The following TTBK2 variants were observed in gnomAD, a reference collection of about 807,000 sequenced individuals.
The protein encoded by TTBK2 is tau-tubulin kinase 2.
TTBK2 carries 28 observed loss-of-function variants against 110.8 expected under a neutral mutation model. The ratio of observed to expected loss-of-function variants is 0.25; its 90% confidence interval spans 0.19 to 0.35. TTBK2 has a LOEUF of 0.35. TTBK2 is among the 10% of genes least tolerant of loss of function. The pLI is 1.00. For missense variants in TTBK2, 1,369 were observed against 1,500.3 expected (o/e 0.91, Z 1.45); for synonymous variants, 532 against 527.3 (o/e 1.01, Z -0.12).
At chr15:42,900,202 A>G (rs2029906841) in intron 1 of TTBK2, among the ~76,000 whole-genome samples, 1 of 151,758 alleles carries the variant, frequency 6.6e-6, no homozygotes, top group African/African-American at 2.4e-5. Flanking sequence ...CATGTTGGTC[A>G]GGCTTGTCTC....
At chr15:42,885,186 T>C (rs1250652427) in intron 1 of TTBK2, among the ~76,000 whole-genome samples, 1 of 152,194 alleles carries the variant, frequency 6.6e-6, no homozygotes, top group Non-Finnish European at 1.5e-5. Flanking sequence ...ACGTGAGACA[T>C]TTGGTGCCAA....
At chr15:42,904,546 C>T (rs771872753) in intron 1 of TTBK2, among the ~76,000 whole-genome samples, 2 of 152,108 alleles carry the variant, frequency 1.3e-5, no homozygotes, top group African/African-American at 2.4e-5. Context: ...GACAAAGATG[C>T]TAACTCTGGA....
At chr15:42,761,506 G>A (rs2062025665) in intron 13 of TTBK2, among the ~76,000 whole-genome samples, 1 of 145,950 alleles carries the variant, frequency 6.9e-6, no homozygotes. Flanking sequence ...CTACAAAATG[G>A]AAGAAAATAT....
chr15:42,878,924 A>T lies in TTBK2; in HGVS notation c.-67-240T>A, dbSNP rs8034933. 0.034 allele frequency among the ~76,000 whole-genome samples: 5,247 copies of T among 152,234 alleles called. 283 individuals carry two copies. Among genetic ancestry groups the T allele is most frequent in the African/African-American group, 0.12 (4,968 of 41,496 alleles). ...AAGACACCGTTAAAACACAGATATTATTTATAATAACTGAGATTGTTAGAT... is the reference window on the plus strand; with the variant it reads ...AAGACACCGTTAAAACACAGATATTTTTTATAATAACTGAGATTGTTAGAT... On this transcript the variant is annotated intron_variant, in intron 1 of 14. Coordinates refer to ENST00000267890, the MANE Select transcript of TTBK2 (RefSeq NM_173500.4).
chr15:42,828,128 C>G (rs1017063739), intron 5 of TTBK2, 96 bp from the exon 6 acceptor site: 20 of 877,708 alleles, frequency 2.3e-5, no homozygotes, highest in South Asian at 6.1e-5. Context: ...TATTTAAGCT[C>G]TATATAACAC....
rs2061777462 is a variant in TTBK2, at chr15:42,745,312, T to G, written c.*483A>C. 1 of 186,960 alleles carries G rather than the reference T, an allele frequency of 5.3e-6. No homozygotes were observed. Among genetic ancestry groups the G allele is most frequent in the Non-Finnish European group, 1.1e-5 (1 of 88,404 alleles). 11.6% of individuals were successfully genotyped at this position (186,960 alleles called of 1,614,324 possible). On this transcript the variant is annotated 3_prime_UTR_variant, in exon 15 of 15. Coordinates refer to ENST00000267890, the MANE Select transcript of TTBK2 (RefSeq NM_173500.4). ...AATAAACACACAAGCCAAATATACATGAATACTGGCTCCCTGGCAACAGAC... is the reference window on the plus strand; with the variant it reads ...AATAAACACACAAGCCAAATATACAGGAATACTGGCTCCCTGGCAACAGAC...
Sources: gnomAD v4.1 joint callset for allele counts (sites outside exome capture counted in the v4.1 genomes callset) on GRCh38, gnomAD v4.1.1 for gene constraint, MANE v1.5 for transcripts, NCBI Gene and HGNC (gene_info 2026-07-23, HGNC 2026-07-21) for gene names.